Variants in ADCY4 observed in about 807,000 individuals in gnomAD.
The protein encoded by ADCY4 is adenylate cyclase 4, also known as adenylate cyclase type 4.
In ADCY4, 111 loss-of-function variants were observed where a neutral mutation model predicts 125.5. That is an observed-to-expected ratio of 0.88 (90% CI 0.76 to 1.04). ADCY4 has a LOEUF of 1.04. Ranked by LOEUF, ADCY4 falls within the 50% of genes least tolerant of loss-of-function variation. The pLI is 0.00. For synonymous variants in ADCY4, 576 were observed against 586.9 expected, an observed-to-expected ratio of 0.98 and a Z score of 0.27; for missense variants, 1,256 against 1,382.9, an observed-to-expected ratio of 0.91 and a Z score of 1.46.
In ADCY4 at chr14:24,333,582, C is replaced by T. The variant is rs533510812; in HGVS notation, c.160-594G>A. Among the ~76,000 whole-genome samples the T allele has an allele frequency of 1.8e-4, 27 of 152,344 alleles. No individual in the cohort carries two copies. In the South Asian group the frequency reaches 5.2e-3, roughly 29 times the overall value. On this transcript the variant is annotated intron_variant, in intron 1 of 24. Coordinates refer to ENST00000418030, the MANE Select transcript of ADCY4 (RefSeq NM_001198568.2). Reference sequence around the variant, plus strand: ...GGACAGCTACCCAGAAGATCTGGCTCCCATCCCCTATTTGTTTCTGAGCCT... The same window carrying T: ...GGACAGCTACCCAGAAGATCTGGCTTCCATCCCCTATTTGTTTCTGAGCCT...
At position 24,319,446 on chromosome 14, in the gene ADCY4, G is replaced by A. The variant is rs1470982951; in HGVS notation, c.2734-10C>T. ...TGGGCTTGGAGAGCAGCTGTATATAGAGAAGAGTCCTGTCCCCAGTCTCTC... is the reference window on the plus strand; with the variant it reads ...TGGGCTTGGAGAGCAGCTGTATATAAAGAAGAGTCCTGTCCCCAGTCTCTC... On this transcript the variant is annotated splice_polypyrimidine_tract_variant and intron_variant, in intron 21 of 24. Transcript: ENST00000418030. The surrounding 1 kb of genome is among the most constrained non-coding windows in gnomAD (Gnocchi z 4.5). 6.2e-7 allele frequency: 1 copy of A among 1,613,418 alleles called. No homozygotes were observed. Among genetic ancestry groups the A allele is most frequent in the Non-Finnish European group, 8.5e-7 (1 of 1,179,358 alleles).
At chr14:24,331,984 T>C (rs369467515) in intron 3 of ADCY4, 47 bp from the exon 4 acceptor site, 4 of 1,479,122 alleles carry the variant, frequency 2.7e-6, no homozygotes, top group East Asian at 2.5e-5. Context: ...CGGGTGCTTG[T>C]CGTGTGTAGT....
Position 24,323,137 on chromosome 14 carries a change from G to C in ADCY4, c.2158-49C>G, listed in dbSNP as rs367548837. ...GAGTGGGCATGTCCCATAGGCAGAG[G>C]GGGGACACCTGAGGGCTCCCTTCCT... On this transcript the variant is annotated intron_variant, in intron 17 of 24. Transcript: ENST00000418030. The C allele has an allele frequency of 2.6e-5, 41 of 1,591,572 alleles. No individual in the cohort carries two copies. The African/African-American group carries it at 5.2e-4, about 20-fold the overall frequency.
chr14:24,333,096 A>T, intron 1 of ADCY4, 108 bp from the exon 2 acceptor site: 1 of 1,139,476 alleles, frequency 8.8e-7, no homozygotes, highest in Non-Finnish European at 1.2e-6. Flanking sequence ...AAGGTGTCTC[A>T]AGCCTAAGTA....
At position 24,331,904 on chromosome 14, in the gene ADCY4, T is replaced by TC; in HGVS notation, c.552dup (p.Asn185GlufsTer75). The TC allele has an allele frequency of 6.3e-7, 1 of 1,582,138 alleles. No homozygotes were observed. The highest frequency in any genetic ancestry group is 1.1e-5 in the South Asian group (1 of 89,466). On this transcript the variant is annotated frameshift_variant, in exon 4 of 25. Transcript: ENST00000418030. LOFTEE classifies it high-confidence loss of function. ...GCCTTGTGGTACACTCCTGCCACGTTCCCGCACAGGAACAGCACTGCGTTT... is the reference window on the plus strand; with the variant it reads ...GCCTTGTGGTACACTCCTGCCACGTTCCCCGCACAGGAACAGCACTGCGTTT...
intron 6 of ADCY4, 118 bp from the exon 7 acceptor site, chr14:24,330,413 G>A (rs1436607765): frequency 7.6e-6 from 11 of 1,444,590 alleles, no homozygotes; most frequent in South Asian, 2.5e-5. Context: ...AGGTGGGGTA[G>A]TGTCTAGATC....
intron 15 of ADCY4, 26 bp from the exon 16 acceptor site, chr14:24,324,225 G>T: frequency 6.2e-7 from 1 of 1,614,138 alleles, no homozygotes; most frequent in Non-Finnish European, 8.5e-7. Context: ...GGGCATCTTA[G>T]CCACGGGGCT....
intron 3 of ADCY4, 65 bp from the exon 4 acceptor site, chr14:24,332,002 G>T (rs952472784): frequency 1.7e-5 from 24 of 1,441,922 alleles, no homozygotes; most frequent in Non-Finnish European, 2.2e-5. Context: ...AGTTGGAGTT[G>T]GTCTCAAAGA....
At chr14:24,325,572 C>A in intron 13 of ADCY4, 98 bp from the exon 14 acceptor site, 1 of 1,109,954 alleles carries the variant, frequency 9.0e-7, no homozygotes, top group South Asian at 1.4e-5. Flanking sequence ...TCAGCCTCAC[C>A]GCCCAGGCTC....
chr14:24,331,448 C>T lies in ADCY4; in HGVS notation c.670-92G>A. ...TCACTCAGGAGCCCACACTGCCCAT[C>T]CTAGGTGCTCCCCAGGGTGCTCCCC... On this transcript the variant is annotated intron_variant, in intron 4 of 24. Coordinates refer to ENST00000418030, the MANE Select transcript of ADCY4 (RefSeq NM_001198568.2). 14 of 1,546,494 alleles carry T rather than the reference C, an allele frequency of 9.1e-6. No individual in the cohort carries two copies. In the South Asian group the frequency reaches 1.7e-4, roughly 18 times the overall value.
chr14:24,324,307 C>T lies in ADCY4; in HGVS notation c.1908G>A (p.Met636Ile), dbSNP rs373517905. ...ILFVCFSEDLMRCVLKGPKML... is the reference protein window; with the variant it reads ...ILFVCFSEDLIRCVLKGPKML... ...ACTTCCACCCCTCAGCCCACCTCAC[C>T]ATCAGGTCCTCTGAGAAGCAGACAA... The change falls in exon 15 of 25, where the codon ATG becomes ATA. Residue 636 changes from methionine (M) to isoleucine (I), a missense_variant and splice_region_variant. Coordinates refer to ENST00000418030, the MANE Select transcript of ADCY4 (RefSeq NM_001198568.2). 56 of 1,614,032 alleles carry T rather than the reference C, an allele frequency of 3.5e-5. No homozygotes were observed. The highest frequency in any genetic ancestry group is 4.5e-5 in the Non-Finnish European group (53 of 1,179,988).
intron 7 of ADCY4, 61 bp from the exon 8 acceptor site, chr14:24,330,079 C>G: frequency 1.3e-6 from 2 of 1,598,898 alleles, no homozygotes; most frequent in Non-Finnish European, 1.7e-6. Context: ...GTGAGACACC[C>G]CAGATTCTCA....
In ADCY4 at chr14:24,318,438, G is replaced by A. The variant is rs748029091; in HGVS notation, c.3212C>T (p.Pro1071Leu). The change falls in exon 25 of 25, where the codon CCT (proline) becomes CTT (leucine). Residue 1071 changes from proline (P) to leucine (L), a missense_variant. Pro to Leu is a moderately conservative substitution (Grantham distance 98). Coordinates refer to ENST00000418030, the MANE Select transcript of ADCY4 (RefSeq NM_001198568.2). Reference sequence around the variant, plus strand: ...ATCTCAGCCTAGGGTAGCTGAAGGAGGTCCAGTTCGTGTCAAGTCTGTGTT... The same window carrying A: ...ATCTCAGCCTAGGGTAGCTGAAGGAAGTCCAGTTCGTGTCAAGTCTGTGTT... ...FLNTDLTRTG[P>L]PSATLG 78 of 1,613,974 alleles carry A rather than the reference G, an allele frequency of 4.8e-5. No individual in the cohort carries two copies. Among genetic ancestry groups the A allele is most frequent in the Admixed American group, 1.5e-4 (9 of 60,000 alleles).
chr14:24,333,102 A>G (rs2042072942), intron 1 of ADCY4, 114 bp from the exon 2 acceptor site: 1 of 1,076,550 alleles, frequency 9.3e-7, no homozygotes, highest in Admixed American at 3.4e-5. Flanking sequence ...TCTCAAGCCT[A>G]AGTACGAAAA....
rs1335233921 is a variant in ADCY4 at position 24,329,399 on chromosome 14, A to G, written c.1350+2T>C. On this transcript the variant is annotated splice_donor_variant, in intron 9 of 24. Transcript: ENST00000418030. LOFTEE classifies it high-confidence loss of function. ...CCCATGGGGTCTGGGCTGGGCTTTT[A>G]CCCGTGGATCGATGACCAGATAGGT... 1.3e-6 allele frequency: 2 copies of G among 1,549,072 alleles called. No homozygotes were observed. The highest frequency in any genetic ancestry group is 1.3e-5 in the South Asian group (1 of 79,354).
intron 14 of ADCY4, among the ~76,000 whole-genome samples, chr14:24,324,984 G>A (rs575694866): frequency 5.3e-5 from 8 of 152,250 alleles, no homozygotes; most frequent in African/African-American, 1.7e-4. Flanking sequence ...GATTACAGGC[G>A]TGAGCCATCA....
At position 24,323,045 on chromosome 14, in the gene ADCY4, AG is replaced by A. The variant is rs1327175868; in HGVS notation, c.2200del (p.Leu734SerfsTer5). 6.2e-7 allele frequency: 1 copy of A among 1,614,038 alleles called. No homozygotes were observed. Among genetic ancestry groups the A allele is most frequent in the Non-Finnish European group, 8.5e-7 (1 of 1,180,030 alleles). Reference protein sequence around the residue: ...CCTLGFLSCSLFLHMSFELKL... With the variant: ...CCTLGFLSCSXFLHMSFELKL... ...CAGCTCGAAGCTCATGTGCAGAAAG[AG>A]GGAGCAGGAGAGGAAGCCCAGCGTG... is the stretch of plus-strand genomic sequence containing the variant. On this transcript the variant is annotated frameshift_variant, in exon 18 of 25. Transcript: ENST00000418030. LOFTEE classifies it high-confidence loss of function.
chr14:24,327,069 G>C (rs193106063), intron 10 of ADCY4, among the ~76,000 whole-genome samples: 1 of 151,738 alleles, frequency 6.6e-6, no homozygotes, highest in East Asian at 1.9e-4. Flanking sequence ...GCTGATTTTT[G>C]TATTTTTAGT....
At position 24,318,837 on chromosome 14, in the gene ADCY4, A is replaced by G. The variant is rs1325386570; in HGVS notation, c.2957-59T>C. The G allele has an allele frequency of 3.7e-6, 6 of 1,606,326 alleles. No homozygotes were observed. In the South Asian group the frequency reaches 5.5e-5, roughly 15 times the overall value. On this transcript the variant is annotated intron_variant, in intron 23 of 24. Coordinates refer to ENST00000418030, the MANE Select transcript of ADCY4 (RefSeq NM_001198568.2). ...AAGGAAGAGGGGAAGAGGAAGCCAC[A>G]AGGAACTGGAAGGAAGGGAGAAGAG...
Sources: gnomAD v4.1 joint callset for allele counts (sites outside exome capture counted in the v4.1 genomes callset) on GRCh38, gnomAD v4.1.1 for gene constraint, Gnocchi (gnomAD v3.1) non-coding constraint, MANE v1.5 for transcripts, NCBI Gene and HGNC (gene_info 2026-07-23, HGNC 2026-07-21) for gene names.